GABRB3: variants seen among roughly 807,000 people sequenced by gnomAD.
GABRB3 encodes the protein gamma-aminobutyric acid type A receptor subunit beta3.
In GABRB3, 14 loss-of-function variants were observed where a neutral mutation model predicts 52.1. The ratio of observed to expected loss-of-function variants is 0.27; its 90% CI spans 0.18 to 0.42. The LOEUF (loss-of-function observed/expected upper bound fraction) is 0.42, where lower values mean the gene tolerates loss of function less well. Ranked by LOEUF, GABRB3 falls within the 10% of genes least tolerant of loss-of-function variation. GABRB3 has a pLI of 1.00. For synonymous variants in GABRB3, 260 were observed against 232.3 expected, an observed-to-expected ratio of 1.12 and a Z score of -1.08; for missense variants, 307 against 609.1, an observed-to-expected ratio of 0.50 and a Z score of 5.22.
At chr15:26,676,292 C>T (rs1345358430) in intron 3 of GABRB3, among the ~76,000 whole-genome samples, 1 of 152,132 alleles carries the variant, frequency 6.6e-6, no homozygotes, top group Non-Finnish European at 1.5e-5. Context: ...AGGGTTTTTC[C>T]TCTTCTCTTT....
chr15:26,769,040 C>A (rs781298006), intron 3 of GABRB3, among the ~76,000 whole-genome samples: 19 of 152,050 alleles, frequency 1.2e-4, no homozygotes, highest in Non-Finnish European at 2.6e-4. Context: ...TTTTTGGAGG[C>A]ATCATCTACA....
At chr15:26,654,425 C>T (rs1196743909) in intron 3 of GABRB3, among the ~76,000 whole-genome samples, 2 of 151,360 alleles carry the variant, frequency 1.3e-5, no homozygotes, top group South Asian at 2.1e-4. Flanking sequence ...GGATTACAGG[C>T]GTGAGCCACC....
At chr15:26,583,093 C>T (rs991133886) in intron 5 of GABRB3, among the ~76,000 whole-genome samples, 17 of 151,826 alleles carry the variant, frequency 1.1e-4, no homozygotes, top group African/African-American at 3.9e-4. Flanking sequence ...CTGAATGGAC[C>T]GAAATGAGGG....
intron 3 of GABRB3, among the ~76,000 whole-genome samples, chr15:26,709,912 T>C (rs1889240192): frequency 6.6e-6 from 1 of 152,210 alleles, no homozygotes; most frequent in South Asian, 2.1e-4. Flanking sequence ...TTAGAAAATT[T>C]CCATCACCCC....
At chr15:26,578,052 G>A (rs55973025) in intron 6 of GABRB3, among the ~76,000 whole-genome samples, 14,022 of 152,148 alleles carry the variant, frequency 0.092, 748 homozygotes, top group Admixed American at 0.16. Context: ...CTCCCGAAGC[G>A]TTGGGATTAC....
intron 3 of GABRB3, among the ~76,000 whole-genome samples, chr15:26,758,659 T>G (rs1303989041): frequency 6.6e-6 from 1 of 152,042 alleles, no homozygotes; most frequent in East Asian, 1.9e-4. Flanking sequence ...CCACCAATTC[T>G]CAGAGTTGAT....
chr15:26,590,472 C>A (rs1244054975), intron 4 of GABRB3, among the ~76,000 whole-genome samples: 1 of 152,160 alleles, frequency 6.6e-6, no homozygotes, highest in African/African-American at 2.4e-5. Context: ...TCCTCTGATG[C>A]AGGATGCACT....
At chr15:26,629,248 TG>T in intron 3 of GABRB3, 1 of 1,324,594 alleles carries the variant, frequency 7.5e-7, no homozygotes, top group Non-Finnish European at 1.0e-6. Flanking sequence ...CGCGGAAGCT[TG>T]GCCCCGAGAG....
At chr15:26,586,991 T>C (rs1046915957) in intron 4 of GABRB3, among the ~76,000 whole-genome samples, 3 of 152,180 alleles carry the variant, frequency 2.0e-5, no homozygotes, top group Admixed American at 6.5e-5. Context: ...ATGGTGAATA[T>C]AGTTAGCAGT....
At chr15:26,692,190 G>A (rs1487144649) in intron 3 of GABRB3, among the ~76,000 whole-genome samples, 2 of 152,142 alleles carry the variant, frequency 1.3e-5, no homozygotes, top group Non-Finnish European at 2.9e-5. Flanking sequence ...ATCCAAACAT[G>A]AATTAATCTC....
At chr15:26,694,957 G>T (rs891733635) in intron 3 of GABRB3, among the ~76,000 whole-genome samples, 5 of 152,088 alleles carry the variant, frequency 3.3e-5, no homozygotes, top group African/African-American at 4.8e-5. Flanking sequence ...AGACATAGCT[G>T]GGGAAAGAAT....
intron 3 of GABRB3, among the ~76,000 whole-genome samples, chr15:26,644,372 G>T (rs547655706): frequency 1.6e-4 from 25 of 152,324 alleles, no homozygotes; most frequent in Admixed American, 1.6e-3. Context: ...GTGAGCCCTT[G>T]TCCCACATGA....
intron 8 of GABRB3, 75 bp downstream of exon 8, chr15:26,560,857 G>C: frequency 1.9e-6 from 3 of 1,601,682 alleles, no homozygotes; most frequent in Non-Finnish European, 8.5e-7. Context: ...AAAAAACAAA[G>C]AAATATCATG....
intron 3 of GABRB3, among the ~76,000 whole-genome samples, chr15:26,727,824 CCTTA>C (rs1332920994): frequency 6.6e-6 from 1 of 152,162 alleles, no homozygotes; most frequent in Non-Finnish European, 1.5e-5. Flanking sequence ...TTCATACAAG[CCTTA>C]CTTGTTTCCT....
intron 3 of GABRB3, among the ~76,000 whole-genome samples, chr15:26,656,014 A>C (rs1163848253): frequency 6.6e-6 from 1 of 152,148 alleles, no homozygotes; most frequent in Non-Finnish European, 1.5e-5. Flanking sequence ...TTGGCAAGTT[A>C]GTTTTCCTTT....
At chr15:26,760,214 G>A (rs940894574) in intron 3 of GABRB3, among the ~76,000 whole-genome samples, 1 of 152,172 alleles carries the variant, frequency 6.6e-6, no homozygotes, top group African/African-American at 2.4e-5. Flanking sequence ...AGTATCAAAT[G>A]ACAAGAAGCT....
intron 3 of GABRB3, among the ~76,000 whole-genome samples, chr15:26,734,537 T>C (rs1374625723): frequency 6.6e-6 from 1 of 151,340 alleles, no homozygotes; most frequent in Non-Finnish European, 1.5e-5. Flanking sequence ...CTCAGGACTT[T>C]GGGAGACTGG....
intron 6 of GABRB3, among the ~76,000 whole-genome samples, chr15:26,570,428 G>GCAGA (rs1235074465): frequency 1.4e-4 from 22 of 152,320 alleles, no homozygotes; most frequent in African/African-American, 5.3e-4. Context: ...TCCTGGCTCT[G>GCAGA]GGCCTTGCGC....
rs1013154787 is a variant in GABRB3 at position 26,545,007 on chromosome 15, T to G, written c.*2786A>C. ...CATTTTAACACAACAGAGACTCCAA[T>G]TCAACTCTCTTCTGTTAACACAGTC... On this transcript the variant is annotated 3_prime_UTR_variant, in exon 9 of 9. Transcript: ENST00000311550. The G allele has an allele frequency of 6.6e-6, 1 of 152,576 alleles. No homozygotes were observed. Among genetic ancestry groups the G allele is most frequent in the Non-Finnish European group, 1.5e-5 (1 of 68,036 alleles). 9.5% of individuals were successfully genotyped at this position (152,576 alleles called of 1,614,324 possible).
Sources: gnomAD v4.1 joint callset for allele counts (sites outside exome capture counted in the v4.1 genomes callset) on GRCh38, gnomAD v4.1.1 for gene constraint, MANE v1.5 for transcripts, NCBI Gene and HGNC (gene_info 2026-07-23, HGNC 2026-07-21) for gene names.